Variants in TRIM24 observed in about 807,000 individuals in gnomAD.
TRIM24 encodes the protein tripartite motif containing 24.
TRIM24 carries 29 observed loss-of-function variants against 123.9 expected under a neutral mutation model. The observed-to-expected ratio is 0.23, with a 90% confidence interval of 0.17 to 0.32. The LOEUF (loss-of-function observed/expected upper bound fraction) is 0.32, where lower values mean the gene tolerates loss of function less well. Ranked by LOEUF, TRIM24 falls within the 10% of genes least tolerant of loss-of-function variation. The pLI, the probability that TRIM24 is intolerant of heterozygous loss-of-function variation, is 1.00. For synonymous variants in TRIM24, 456 were observed against 461.1 expected (o/e 0.99, Z 0.14); for missense variants, 932 against 1,295.3 (o/e 0.72, Z 4.31).
chr7:138,515,607 A>G (rs1193732078), intron 3 of TRIM24, among the ~76,000 whole-genome samples: 1 of 152,236 alleles, frequency 6.6e-6, no homozygotes, highest in Non-Finnish European at 1.5e-5. Flanking sequence ...TGGTGTGAAT[A>G]TAGAACAAAT....
intron 4 of TRIM24, among the ~76,000 whole-genome samples, chr7:138,520,406 AAAAAG>A (rs1347680470): frequency 6.6e-6 from 1 of 152,242 alleles, no homozygotes; most frequent in Non-Finnish European, 1.5e-5. Context: ...TGCTAGAAAG[AAAAAG>A]AAAACATCTA....
chr7:138,524,594 A>G (rs1405683988), intron 4 of TRIM24, among the ~76,000 whole-genome samples: 1 of 152,166 alleles, frequency 6.6e-6, no homozygotes, highest in East Asian at 1.9e-4. Flanking sequence ...TTTTATAGAA[A>G]AACTTAAATA....
At chr7:138,536,447 A>C (rs973457195) in intron 6 of TRIM24, among the ~76,000 whole-genome samples, 4 of 152,222 alleles carry the variant, frequency 2.6e-5, no homozygotes, top group African/African-American at 9.6e-5. Context: ...CAGGACCCTC[A>C]GCTGCAGGTC....
Position 138,570,823 on chromosome 7 carries a change from A to T in TRIM24, c.1705-7A>T, listed in dbSNP as rs1317944072. On this transcript the variant is annotated splice_region_variant and splice_polypyrimidine_tract_variant and intron_variant, in intron 10 of 18. Transcript: ENST00000343526. Reference sequence around the variant, plus strand: ...TAGCCTTTGTTCTTCTCTTCTTGTTACTGTAGTGGCAGATCAGCAGTGGAC... The same window carrying T: ...TAGCCTTTGTTCTTCTCTTCTTGTTTCTGTAGTGGCAGATCAGCAGTGGAC... The T allele has an allele frequency of 2.5e-6, 4 of 1,613,324 alleles. No individual in the cohort carries two copies. In the South Asian group the frequency reaches 4.4e-5, roughly 18 times the overall value.
At chr7:138,553,690 T>C (rs905162497) in intron 8 of TRIM24, among the ~76,000 whole-genome samples, 7 of 152,152 alleles carry the variant, frequency 4.6e-5, no homozygotes, top group Admixed American at 4.6e-4. Context: ...AGAAATACTT[T>C]TTGGGATTGT....
chr7:138,511,075 A>G (rs1005580039), intron 2 of TRIM24, among the ~76,000 whole-genome samples: 7 of 152,198 alleles, frequency 4.6e-5, no homozygotes, highest in African/African-American at 1.7e-4. Flanking sequence ...TTGCATTGCT[A>G]TAAAGAAATA....
At chr7:138,480,340 C>T (rs970013049) in intron 1 of TRIM24, among the ~76,000 whole-genome samples, 2 of 152,102 alleles carry the variant, frequency 1.3e-5, no homozygotes, top group African/African-American at 4.8e-5. Flanking sequence ...TGTTTTGGGA[C>T]TTTGTGTGAA....
intron 17 of TRIM24, among the ~76,000 whole-genome samples, chr7:138,582,001 AC>A (rs1215894769): frequency 6.6e-6 from 1 of 151,914 alleles, no homozygotes; most frequent in Non-Finnish European, 1.5e-5. Flanking sequence ...CATCTATTTT[AC>A]TTACCACTGG....
At chr7:138,557,124 T>C (rs1256293828) in intron 9 of TRIM24, among the ~76,000 whole-genome samples, 2 of 152,210 alleles carry the variant, frequency 1.3e-5, no homozygotes, top group Admixed American at 6.5e-5. Flanking sequence ...TTTTCTTAAC[T>C]TTGCTCTGAG....
At chr7:138,494,456 A>G (rs1795859680) in intron 1 of TRIM24, among the ~76,000 whole-genome samples, 1 of 151,990 alleles carries the variant, frequency 6.6e-6, no homozygotes, top group Admixed American at 6.5e-5. Context: ...TGTGATTAAC[A>G]TGAATGGTGG....
At chr7:138,462,740 A>AAG (rs1795030698) in intron 1 of TRIM24, among the ~76,000 whole-genome samples, 1 of 152,098 alleles carries the variant, frequency 6.6e-6, no homozygotes, top group African/African-American at 2.4e-5. Context: ...CATCCATGAA[A>AAG]CTGGTAAGGT....
chr7:138,560,167 G>T (rs1797396589), intron 9 of TRIM24, among the ~76,000 whole-genome samples: 1 of 152,314 alleles, frequency 6.6e-6, no homozygotes, highest in East Asian at 1.9e-4. Flanking sequence ...TATTTCTTCA[G>T]TAGCTGTATA....
intron 1 of TRIM24, among the ~76,000 whole-genome samples, chr7:138,496,613 T>C (rs992719440): frequency 6.6e-6 from 1 of 152,192 alleles, no homozygotes; most frequent in African/African-American, 2.4e-5. Flanking sequence ...TGTTAGGTTC[T>C]TGAAAGTTTG....
At chr7:138,484,370 A>C (rs969015289) in intron 1 of TRIM24, among the ~76,000 whole-genome samples, 2 of 151,124 alleles carry the variant, frequency 1.3e-5, no homozygotes, top group African/African-American at 4.9e-5. Context: ...AGGCCTCCCA[A>C]AGTACTGGGA....
At chr7:138,549,321 C>T (rs1240474344) in intron 7 of TRIM24, among the ~76,000 whole-genome samples, 1 of 152,096 alleles carries the variant, frequency 6.6e-6, no homozygotes, top group Non-Finnish European at 1.5e-5. Flanking sequence ...AAAACTGAGC[C>T]CTGGGCATTC....
intron 7 of TRIM24, among the ~76,000 whole-genome samples, chr7:138,548,133 G>A (rs906109754): frequency 8.5e-5 from 13 of 152,222 alleles, no homozygotes; most frequent in Admixed American, 7.9e-4. Flanking sequence ...CTTGATGACG[G>A]GGATGCATTC....
At chr7:138,577,795 G>A (rs1423092837) in intron 14 of TRIM24, among the ~76,000 whole-genome samples, 2 of 152,096 alleles carry the variant, frequency 1.3e-5, no homozygotes, top group Non-Finnish European at 1.5e-5. Flanking sequence ...TATGGAGGCT[G>A]GGCAGTTAAA....
At chr7:138,468,877 A>G (rs1795208966) in intron 1 of TRIM24, among the ~76,000 whole-genome samples, 1 of 152,156 alleles carries the variant, frequency 6.6e-6, no homozygotes, top group Admixed American at 6.5e-5. Context: ...CTGGTTCACA[A>G]TCCCCGAATC....
intron 1 of TRIM24, among the ~76,000 whole-genome samples, chr7:138,472,832 A>G (rs1451308176): frequency 1.3e-5 from 2 of 152,176 alleles, no homozygotes; most frequent in Non-Finnish European, 2.9e-5. Flanking sequence ...GCTGAACTAA[A>G]TGATCTTGGT....
Sources: allele counts gnomAD v4.1 joint callset (sites outside exome capture counted in the v4.1 genomes callset), GRCh38; gene constraint gnomAD v4.1.1; transcripts MANE v1.5; gene names NCBI Gene and HGNC (gene_info 2026-07-23, HGNC 2026-07-21).